The following SERPINE2 variants were observed in gnomAD, a reference collection of about 807,000 sequenced individuals.
The protein encoded by SERPINE2 is serpin family E member 2.
A neutral mutation model predicts 36.3 loss-of-function variants in SERPINE2; 14 were observed. The observed-to-expected ratio is 0.39, with a 90% CI of 0.25 to 0.60. The LOEUF (loss-of-function observed/expected upper bound fraction) is 0.60, where lower values mean the gene tolerates loss of function less well. SERPINE2 is among the 20% of genes least tolerant of loss of function. The pLI is 0.57. For missense variants in SERPINE2, 418 were observed against 499.6 expected (o/e 0.84, Z 1.56); for synonymous variants, 192 against 191.8 (o/e 1.00, Z -0.01).
At chr2:223,993,536 G>A (rs1291424420) in intron 3 of SERPINE2, among the ~76,000 whole-genome samples, 1 of 138,976 alleles carries the variant, frequency 7.2e-6, no homozygotes, top group Non-Finnish European at 1.6e-5. Context: ...ATATATGTGT[G>A]TGTGTGTGTG....
At chr2:224,023,035 T>G (rs1692064236) in intron 1 of SERPINE2, among the ~76,000 whole-genome samples, 1 of 152,222 alleles carries the variant, frequency 6.6e-6, no homozygotes, top group Non-Finnish European at 1.5e-5. Flanking sequence ...TCCCCAGCCC[T>G]GAGGAACTGT....
chr2:223,996,946 G>C (rs1050436346), intron 3 of SERPINE2, among the ~76,000 whole-genome samples: 5 of 152,120 alleles, frequency 3.3e-5, no homozygotes, highest in African/African-American at 1.2e-4. Flanking sequence ...GCATGGTGGC[G>C]CACACCTGTA....
At chr2:224,031,622 G>C in intron 1 of SERPINE2, 1 of 409,886 alleles carries the variant, frequency 2.4e-6, no homozygotes, top group Non-Finnish European at 3.3e-6. Context: ...ATTGGTATCG[G>C]GACGAGCATG....
chr2:224,005,065 T>TTTTATATA (rs1553547021), intron 1 of SERPINE2, among the ~76,000 whole-genome samples: 4 of 33,572 alleles, frequency 1.2e-4, no homozygotes, highest in African/African-American at 3.0e-4. Context: ...TTTATATATA[T>TTTTATATA]TATATATATA....
chr2:224,010,218 A>T, intron 1 of SERPINE2: 1 of 256,402 alleles, frequency 3.9e-6, no homozygotes, highest in Non-Finnish European at 6.1e-6. Context: ...TTTTCAGGTT[A>T]GTGGAGAAAG....
chr2:224,021,131 G>A (rs114746481), intron 1 of SERPINE2, among the ~76,000 whole-genome samples: 1 of 152,292 alleles, frequency 6.6e-6, no homozygotes, highest in Non-Finnish European at 1.5e-5. Flanking sequence ...ACCTGATGTG[G>A]TCTCATAAGT....
chr2:224,015,497 T>C (rs1691771637), intron 1 of SERPINE2, among the ~76,000 whole-genome samples: 2 of 152,204 alleles, frequency 1.3e-5, no homozygotes, highest in African/African-American at 2.4e-5. Context: ...GGAGGTACCA[T>C]GGATTATTCT....
chr2:223,995,080 G>A lies in SERPINE2; in HGVS notation c.487+3035C>T, dbSNP rs11889637. The stretch of plus-strand genomic sequence containing the variant: ...GAAGGCAGCAGGAGTGTATGTGTGC[G>A]GTTCTCCAACAGGAGACAGGATGGT... On this transcript the variant is annotated intron_variant, in intron 3 of 8. Coordinates refer to ENST00000409304, the MANE Select transcript of SERPINE2 (RefSeq NM_001136528.2). 9.3e-3 allele frequency among the ~76,000 whole-genome samples: 1,417 copies of A among 152,268 alleles called. 18 individuals are homozygous for A. The highest frequency in any genetic ancestry group is 0.032 in the African/African-American group (1,336 of 41,544).
chr2:223,978,880 T>C (rs1461628473), intron 7 of SERPINE2: 1 of 152,080 alleles, frequency 6.6e-6, no homozygotes, highest in Admixed American at 6.5e-5. Flanking sequence ...GAGGAGGTAA[T>C]GAAGGTTAAG....
intron 1 of SERPINE2, among the ~76,000 whole-genome samples, chr2:224,023,071 T>C (rs1046275426): frequency 5.3e-5 from 8 of 152,230 alleles, no homozygotes; most frequent in South Asian, 2.1e-4. Flanking sequence ...CTTTCCTTAA[T>C]AAATTACCCA....
At chr2:224,020,640 T>C (rs1691966208) in intron 1 of SERPINE2, among the ~76,000 whole-genome samples, 1 of 152,234 alleles carries the variant, frequency 6.6e-6, no homozygotes, top group African/African-American at 2.4e-5. Context: ...AAACTGCAAA[T>C]GCCCCACGAG....
chr2:224,016,229 G>C (rs901305916), intron 1 of SERPINE2, among the ~76,000 whole-genome samples: 1 of 152,234 alleles, frequency 6.6e-6, no homozygotes, highest in Non-Finnish European at 1.5e-5. Context: ...GTCAGGTGCA[G>C]TGGCTCACGC....
At chr2:224,028,889 G>T (rs1692271760) in intron 1 of SERPINE2, among the ~76,000 whole-genome samples, 1 of 152,194 alleles carries the variant, frequency 6.6e-6, no homozygotes, top group Non-Finnish European at 1.5e-5. Context: ...ACACAAGGTA[G>T]AGAGCAGTAC....
At chr2:224,021,335 G>T (rs1381650489) in intron 1 of SERPINE2, among the ~76,000 whole-genome samples, 2 of 152,168 alleles carry the variant, frequency 1.3e-5, no homozygotes, top group Non-Finnish European at 2.9e-5. Flanking sequence ...GAGCTTGAGA[G>T]GTTGCACAAA....
chr2:224,015,161 G>A (rs979535946), intron 1 of SERPINE2, among the ~76,000 whole-genome samples: 4 of 152,214 alleles, frequency 2.6e-5, no homozygotes, highest in East Asian at 1.9e-4. Context: ...ATTATCCAGC[G>A]AAATGTCAGT....
At chr2:223,987,495 C>G in intron 4 of SERPINE2, among the ~76,000 whole-genome samples, 1 of 152,228 alleles carries the variant, frequency 6.6e-6, no homozygotes, top group East Asian at 1.9e-4. Flanking sequence ...GCTCTCTATT[C>G]TTTAACCTCT....
At chr2:223,986,448 A>G (rs1164151114) in intron 4 of SERPINE2, among the ~76,000 whole-genome samples, 1 of 152,218 alleles carries the variant, frequency 6.6e-6, no homozygotes, top group Non-Finnish European at 1.5e-5. Context: ...CTTAGCCTGC[A>G]TAACAAAATG....
chr2:224,015,766 G>A (rs540561971), intron 1 of SERPINE2, among the ~76,000 whole-genome samples: 6 of 152,214 alleles, frequency 3.9e-5, no homozygotes, highest in Non-Finnish European at 7.4e-5. Flanking sequence ...TTCATAAAAC[G>A]AAAAACTGAT....
Position 223,998,298 on chromosome 2 carries a change from T to C in SERPINE2, c.304A>G (p.Lys102Glu). ...ACTGTCACAATGTCTTTATTCTTCTTGGAGACGATGGCCTTGTTGATCTTC... is the reference window on the plus strand; with the variant it reads ...ACTGTCACAATGTCTTTATTCTTCTCGGAGACGATGGCCTTGTTGATCTTC... ...LKKINKAIVS[K>E]KNKDIVTVAN... Residue 102 changes from lysine to glutamate, a missense_variant, in exon 3 of 9, where the codon AAG becomes GAG. Physicochemically the swap from Lys to Glu is moderately conservative, Grantham distance 56 (BLOSUM62 1). Coordinates refer to ENST00000409304, the MANE Select transcript of SERPINE2 (RefSeq NM_001136528.2). 1 of 1,614,186 alleles carries C rather than the reference T, an allele frequency of 6.2e-7. No individual in the cohort carries two copies. Among genetic ancestry groups the C allele is most frequent in the Non-Finnish European group, 8.5e-7 (1 of 1,179,982 alleles).
Sources: allele counts gnomAD v4.1 joint callset (sites outside exome capture counted in the v4.1 genomes callset), GRCh38; gene constraint gnomAD v4.1.1; transcripts MANE v1.5; gene names NCBI Gene and HGNC (gene_info 2026-07-23, HGNC 2026-07-21).